The following DOCK4 variants were observed in gnomAD, a reference collection of about 807,000 sequenced individuals.
DOCK4 encodes dedicator of cytokinesis 4, also known as dedicator of cytokinesis protein 4.
In DOCK4, 97 loss-of-function variants were observed where a neutral mutation model predicts 268.1. That is an observed-to-expected ratio of 0.36 (90% CI 0.31 to 0.43). The LOEUF (loss-of-function observed/expected upper bound fraction) is 0.43. Among genes scored for constraint, DOCK4 ranks in the 20% least tolerant of loss-of-function variants. DOCK4 has a pLI of 1.00. For missense variants in DOCK4, 2,145 were observed against 2,455.7 expected (o/e 0.87, Z 2.67); for synonymous variants, 954 against 887.2 (o/e 1.08, Z -1.34).
chr7:112,040,318 T>C (rs1006163947), intron 1 of DOCK4, among the ~76,000 whole-genome samples: 1 of 152,194 alleles, frequency 6.6e-6, no homozygotes, highest in African/African-American at 2.4e-5. Flanking sequence ...TGTACTTTGG[T>C]TTCAAAATGT....
chr7:111,822,162 A>G (rs1586090286), intron 27 of DOCK4, among the ~76,000 whole-genome samples, 200 bp downstream of exon 27: 1 of 152,288 alleles, frequency 6.6e-6, no homozygotes, highest in East Asian at 1.9e-4. Context: ...TGCATATGCT[A>G]TTATGTTGTT....
In DOCK4 at chr7:112,189,168, T is replaced by C. The variant is rs894184243; in HGVS notation, c.37+16934A>G. On this transcript the variant is annotated intron_variant, in intron 1 of 52. Transcript: ENST00000428084. ...CATATATTTCTATATTTTGTGTTGG[T>C]TATGCTGTGGAGTGAAAATGCTGTT... 1.9e-4 allele frequency among the ~76,000 whole-genome samples: 29 copies of C among 152,352 alleles called. 1 individual carries two copies. Among genetic ancestry groups the C allele is most frequent in the Admixed American group, 1.7e-3 (26 of 15,306 alleles).
At chr7:111,908,171 G>A (rs563429951) in intron 13 of DOCK4, among the ~76,000 whole-genome samples, 12 of 152,226 alleles carry the variant, frequency 7.9e-5, no homozygotes, top group East Asian at 1.9e-4. Flanking sequence ...TATATTGGCC[G>A]GGTGTGGTGG....
intron 16 of DOCK4, among the ~76,000 whole-genome samples, chr7:111,890,947 GT>G (rs1185121239): frequency 6.6e-6 from 1 of 151,878 alleles, no homozygotes; most frequent in African/African-American, 2.4e-5. Flanking sequence ...TTTTAACGCA[GT>G]TTTTTTTCAT....
chr7:112,133,895 A>G (rs551384490), intron 1 of DOCK4, among the ~76,000 whole-genome samples: 14 of 152,268 alleles, frequency 9.2e-5, no homozygotes, highest in Non-Finnish European at 1.5e-4. Context: ...GGCTTCCTCA[A>G]ATGGTTTGTG....
chr7:111,881,379 T>C (rs923011029), intron 16 of DOCK4, among the ~76,000 whole-genome samples: 1 of 152,142 alleles, frequency 6.6e-6, no homozygotes, highest in African/African-American at 2.4e-5. Context: ...CGAGATATCA[T>C]CTCACCCCAG....
chr7:112,086,060 G>A (rs1480565663), intron 1 of DOCK4, among the ~76,000 whole-genome samples: 2 of 152,024 alleles, frequency 1.3e-5, no homozygotes, highest in Admixed American at 1.3e-4. Flanking sequence ...AATGTATACT[G>A]GAGTATTTTG....
chr7:112,047,019 G>C (rs982414433), intron 1 of DOCK4, among the ~76,000 whole-genome samples: 1 of 152,172 alleles, frequency 6.6e-6, no homozygotes, highest in East Asian at 1.9e-4. Flanking sequence ...GTGAGGAAAC[G>C]ACATGACTCT....
intron 39 of DOCK4, among the ~76,000 whole-genome samples, chr7:111,763,294 C>T (rs1327676308): frequency 6.6e-6 from 1 of 152,072 alleles, no homozygotes; most frequent in Non-Finnish European, 1.5e-5. Flanking sequence ...GCTTTTAAAT[C>T]CAAGACCAGA....
In DOCK4 at chr7:111,971,563, G is replaced by A. The variant is rs111479935; in HGVS notation, c.701+5569C>T. On this transcript the variant is annotated intron_variant, in intron 8 of 52. Transcript: ENST00000428084. ...GTCATGTGCAGTTACCATCAGTTGA[G>A]CCTTCTTATTCTCCACCAAGGTGGT... 3.4e-3 allele frequency: 646 copies of A among 191,892 alleles called. 5 individuals carry two copies. The highest frequency in any genetic ancestry group is 0.014 in the African/African-American group (598 of 41,974). 11.9% of individuals were successfully genotyped at this position (191,892 alleles called of 1,614,324 possible). A position where few individuals can be genotyped will look rare whatever the true frequency, so the allele number is the denominator to read the frequency against.
rs566521241 is a variant in DOCK4 at position 111,727,771 on chromosome 7, A to T, written c.*503T>A. ...CCAAGCTTTGCAACCCCTTAAGTAT[A>T]CTGTCTTGCTCGCCTGCTTGAACTT... On this transcript the variant is annotated 3_prime_UTR_variant, in exon 53 of 53. Coordinates refer to ENST00000428084, the MANE Select transcript of DOCK4 (RefSeq NM_001363540.2). The T allele has an allele frequency of 6.6e-6, 1 of 152,584 alleles. No individual in the cohort carries two copies. The highest frequency in any genetic ancestry group is 6.5e-5 in the Admixed American group (1 of 15,308). The allele number at this position is 152,584 out of a possible 1,614,324, so 9.5% of individuals were successfully genotyped here. A position where few individuals can be genotyped will look rare whatever the true frequency, so the allele number is the denominator to read the frequency against.
At chr7:111,884,496 T>C (rs866616631) in intron 16 of DOCK4, among the ~76,000 whole-genome samples, 6 of 152,212 alleles carry the variant, frequency 3.9e-5, no homozygotes, top group Admixed American at 2.0e-4. Flanking sequence ...TTTTAATTTA[T>C]AGATAAAATA....
chr7:111,940,345 G>A, intron 10 of DOCK4, 103 bp from the exon 11 acceptor site: 2 of 1,485,794 alleles, frequency 1.3e-6, no homozygotes, highest in South Asian at 2.4e-5. Context: ...AAATGTAATT[G>A]GGCAATAAAG....
intron 52 of DOCK4, among the ~76,000 whole-genome samples, chr7:111,732,023 A>C (rs1297322276): frequency 6.6e-6 from 1 of 152,214 alleles, no homozygotes; most frequent in Non-Finnish European, 1.5e-5. Context: ...ATAATCGAAA[A>C]ACAAATGGCT....
intron 32 of DOCK4, among the ~76,000 whole-genome samples, chr7:111,784,642 A>C (rs1204351697): frequency 6.6e-6 from 1 of 152,166 alleles, no homozygotes. Flanking sequence ...CATTTCCCCT[A>C]ATCCTAAGCA....
At chr7:112,134,085 G>A (rs2116159993) in intron 1 of DOCK4, among the ~76,000 whole-genome samples, 1 of 152,292 alleles carries the variant, frequency 6.6e-6, no homozygotes, top group African/African-American at 2.4e-5. Context: ...TAAATGCAAT[G>A]TTCATATTAC....
At chr7:112,069,663 T>G (rs2135661198) in intron 1 of DOCK4, among the ~76,000 whole-genome samples, 1 of 152,184 alleles carries the variant, frequency 6.6e-6, no homozygotes, top group East Asian at 1.9e-4. Context: ...CTGTTACAAT[T>G]AGTGGTGGTG....
Position 111,977,230 on chromosome 7 carries a change from G to T in DOCK4, c.603C>A (p.His201Gln), listed in dbSNP as rs764679961. Reference protein sequence around the residue: ...KDTPVQASSHHLFVQMKSLMC... With the variant: ...KDTPVQASSHQLFVQMKSLMC... ...TGAGGCTCTTCATCTGGACAAAGAGGTGGTGACTGCTGGCCTGCACCGGGG... is the reference window on the plus strand; with the variant it reads ...TGAGGCTCTTCATCTGGACAAAGAGTTGGTGACTGCTGGCCTGCACCGGGG... The change falls in exon 8 of 53, where the codon CAC (histidine) becomes CAA (glutamine). Residue 201 changes from histidine (H) to glutamine (Q), a missense_variant. By Grantham distance (24) the His-to-Gln change is conservative. Transcript: ENST00000428084. 3 of 1,610,954 alleles carry T rather than the reference G, an allele frequency of 1.9e-6. No homozygotes were observed. The highest frequency in any genetic ancestry group is 2.5e-6 in the Non-Finnish European group (3 of 1,178,700).
intron 4 of DOCK4, among the ~76,000 whole-genome samples, chr7:111,994,765 T>C (rs1357724486): frequency 6.6e-6 from 1 of 152,142 alleles, no homozygotes; most frequent in African/African-American, 2.4e-5. Context: ...TTTTTATTAT[T>C]TGCAAACTAG....
Sources: gnomAD v4.1 joint callset for allele counts (sites outside exome capture counted in the v4.1 genomes callset) on GRCh38, gnomAD v4.1.1 for gene constraint, MANE v1.5 for transcripts, NCBI Gene and HGNC (gene_info 2026-07-23, HGNC 2026-07-21) for gene names.